Variants in TNNI3K observed in about 807,000 individuals in gnomAD.
TNNI3K encodes serine/threonine-protein kinase TNNI3K.
A neutral mutation model predicts 114.5 loss-of-function variants in TNNI3K; 140 were observed. The ratio of observed to expected loss-of-function variants is 1.22; its 90% CI spans 1.07 to 1.41. The LOEUF is 1.41. TNNI3K is among the 40% of genes most tolerant of loss of function. The pLI is 0.00. For synonymous variants in TNNI3K, 347 were observed against 347.5 expected, an observed-to-expected ratio of 1.00 and a Z score of 0.02; for missense variants, 1,125 against 1,007.6, an observed-to-expected ratio of 1.12 and a Z score of -1.58.
chr1:74,535,701 G>C (rs745660776), intron 23 of TNNI3K, among the ~76,000 whole-genome samples: 3 of 152,078 alleles, frequency 2.0e-5, no homozygotes, highest in African/African-American at 7.2e-5. Flanking sequence ...GCAGCATTTT[G>C]TTTTAATTAT....
intron 23 of TNNI3K, among the ~76,000 whole-genome samples, chr1:74,504,054 C>T (rs760507397): frequency 1.3e-5 from 2 of 152,216 alleles, no homozygotes; most frequent in African/African-American, 2.4e-5. Context: ...CTCTTCACCG[C>T]ATCCCTAGGT....
At chr1:74,309,472 C>T (rs1658858119) in intron 5 of TNNI3K, among the ~76,000 whole-genome samples, 5 of 151,388 alleles carry the variant, frequency 3.3e-5, no homozygotes, top group Admixed American at 2.6e-4. Context: ...CTAGTATCAC[C>T]TTGGATACCA....
intron 17 of TNNI3K, among the ~76,000 whole-genome samples, chr1:74,435,658 G>T (rs1402940033): frequency 6.6e-6 from 1 of 151,940 alleles, no homozygotes; most frequent in African/African-American, 2.4e-5. Context: ...TTCATTTCAG[G>T]CCTTTTCTTG....
chr1:74,376,311 G>A (rs911886531), intron 17 of TNNI3K, among the ~76,000 whole-genome samples: 1 of 151,880 alleles, frequency 6.6e-6, no homozygotes, highest in African/African-American at 2.4e-5. Flanking sequence ...TAAACAAATT[G>A]TTAATTTTCT....
chr1:74,277,622 C>G (rs546409334), intron 5 of TNNI3K, among the ~76,000 whole-genome samples: 1 of 152,200 alleles, frequency 6.6e-6, no homozygotes, highest in Admixed American at 6.5e-5. Flanking sequence ...TTAAATAACT[C>G]CTTAAAAAGT....
chr1:74,354,902 A>G (rs1276120827), intron 11 of TNNI3K, among the ~76,000 whole-genome samples: 3 of 152,190 alleles, frequency 2.0e-5, no homozygotes, highest in African/African-American at 7.2e-5. Context: ...AATAAAGATG[A>G]TTGATAACAA....
At chr1:74,391,757 G>T (rs1379471608) in intron 17 of TNNI3K, among the ~76,000 whole-genome samples, 1 of 152,090 alleles carries the variant, frequency 6.6e-6, no homozygotes, top group African/African-American at 2.4e-5. Flanking sequence ...CTAAGACAGA[G>T]GAGTGGGTGC....
rs951964156 is a variant in TNNI3K, at chr1:74,304,718, C to A, written c.445-26732C>A. ...CTCCAATCTCCCAAAATGCTGGGAT[C>A]ACATGCATGAGCCACTGAACCCAGC... On this transcript the variant is annotated intron_variant, in intron 5 of 24. Transcript: ENST00000326637. Among the ~76,000 whole-genome samples, 7 of 152,204 alleles carry A rather than the reference C, an allele frequency of 4.6e-5. No homozygotes were observed. The South Asian group carries it at 1.5e-3, about 32-fold the overall frequency.
At chr1:74,323,447 A>ATT (rs45524641) in intron 5 of TNNI3K, among the ~76,000 whole-genome samples, 5,990 of 148,700 alleles carry the variant, frequency 0.04, 131 homozygotes, top group Non-Finnish European at 0.053. Context: ...ACTAGCACAC[A>ATT]TTTTTTTTTT....
chr1:74,506,014 A>G (rs1476885121), intron 23 of TNNI3K, among the ~76,000 whole-genome samples: 1 of 152,170 alleles, frequency 6.6e-6, no homozygotes, highest in East Asian at 1.9e-4. Context: ...GGCCTTCATC[A>G]GTCTCTTATT....
In TNNI3K at chr1:74,253,296, G is replaced by A. The variant is rs1243802447; in HGVS notation, c.333+2527G>A. On this transcript the variant is annotated intron_variant, in intron 4 of 24. Coordinates refer to ENST00000326637, the MANE Select transcript of TNNI3K (RefSeq NM_015978.3). ...TTCACCCAGTGGATCCCGCACAGGG[G>A]CCGCAGGTGGAGCTGCCTGCCAGTC... is the stretch of plus-strand genomic sequence containing the variant. Among the ~76,000 whole-genome samples, 4 of 152,198 alleles carry A rather than the reference G, an allele frequency of 2.6e-5. No individual in the cohort carries two copies. In the East Asian group the frequency reaches 7.7e-4, roughly 29 times the overall value.
chr1:74,543,829 G>A, intron 24 of TNNI3K, 77 bp from the exon 25 acceptor site: 5 of 1,552,684 alleles, frequency 3.2e-6, no homozygotes, highest in Non-Finnish European at 4.4e-6. Flanking sequence ...GACCTGCCTG[G>A]TTCAGGCTGG....
At chr1:74,517,860 A>G (rs2100401968) in intron 23 of TNNI3K, among the ~76,000 whole-genome samples, 1 of 152,294 alleles carries the variant, frequency 6.6e-6, no homozygotes, top group African/African-American at 2.4e-5. Flanking sequence ...TTTCTGATTC[A>G]GCAGGTCTGA....
At chr1:74,368,566 A>G (rs950748141) in intron 13 of TNNI3K, among the ~76,000 whole-genome samples, 3 of 151,882 alleles carry the variant, frequency 2.0e-5, no homozygotes, top group South Asian at 2.1e-4. Context: ...GGCTAAGCCT[A>G]TTGGAATAGA....
At chr1:74,316,453 T>C (rs939674491) in intron 5 of TNNI3K, among the ~76,000 whole-genome samples, 16 of 152,266 alleles carry the variant, frequency 1.1e-4, no homozygotes, top group Admixed American at 2.6e-4. Context: ...TTATATTCAT[T>C]CCTCTTCAAC....
chr1:74,255,210 C>G (rs1023088781), intron 4 of TNNI3K, among the ~76,000 whole-genome samples: 13 of 151,862 alleles, frequency 8.6e-5, no homozygotes, highest in African/African-American at 1.2e-4. Flanking sequence ...AAAAATTAGC[C>G]GGGCGTAGTG....
At chr1:74,289,123 G>T (rs1034561068) in intron 5 of TNNI3K, among the ~76,000 whole-genome samples, 1 of 151,824 alleles carries the variant, frequency 6.6e-6, no homozygotes, top group African/African-American at 2.4e-5. Flanking sequence ...AATATCCAAA[G>T]AAGCAGCTAA....
At chr1:74,522,025 C>G (rs550313367) in intron 23 of TNNI3K, among the ~76,000 whole-genome samples, 1 of 152,134 alleles carries the variant, frequency 6.6e-6, no homozygotes, top group Non-Finnish European at 1.5e-5. Flanking sequence ...ATATCAACAT[C>G]CCTTCCAGTG....
At chr1:74,271,256 G>A (rs1054859213) in intron 4 of TNNI3K, among the ~76,000 whole-genome samples, 2 of 151,830 alleles carry the variant, frequency 1.3e-5, no homozygotes, top group African/African-American at 2.4e-5. Context: ...ACCTCACTGG[G>A]AGTTAATTCT....
Sources: allele counts gnomAD v4.1 joint callset (sites outside exome capture counted in the v4.1 genomes callset), GRCh38; gene constraint gnomAD v4.1.1; transcripts MANE v1.5; gene names NCBI Gene and HGNC (gene_info 2026-07-23, HGNC 2026-07-21).